NEFH: variants seen among roughly 807,000 people sequenced by gnomAD.
The protein encoded by NEFH is neurofilament heavy polypeptide.
NEFH carries 58 observed loss-of-function variants against 56.6 expected under a neutral mutation model. The observed-to-expected ratio is 1.03, with a 90% CI of 0.83 to 1.28. The LOEUF is 1.28. Among genes scored for constraint, NEFH ranks in the 50% most tolerant of loss-of-function variants. The probability of loss-of-function intolerance (pLI) is 0.00; values close to 1 mark genes in which losing one functional copy is unlikely to be tolerated. For synonymous variants in NEFH, 542 were observed against 545.8 expected, an observed-to-expected ratio of 0.99 and a Z score of 0.10; for missense variants, 1,221 against 1,307.6, an observed-to-expected ratio of 0.93 and a Z score of 1.02.
Position 29,489,988 on chromosome 22 carries a change from A to G in NEFH, c.2348A>G (p.Glu783Gly), listed in dbSNP as rs573785616. 2.0e-5 allele frequency: 32 copies of G among 1,613,922 alleles called. No individual in the cohort carries two copies. Among genetic ancestry groups the G allele is most frequent in the Non-Finnish European group, 2.1e-5 (25 of 1,179,992 alleles). ...EARSPADKFP[E>G]KAKSPVKEEV... ...AGGTCCCCTGCAGACAAATTCCCTGAAAAGGCCAAAAGCCCTGTCAAGGAG... is the reference window on the plus strand; with the variant it reads ...AGGTCCCCTGCAGACAAATTCCCTGGAAAGGCCAAAAGCCCTGTCAAGGAG... The change falls in exon 4 of 4, where the codon GAA becomes GGA. Residue 783 changes from glutamate (E) to glycine (G), a missense_variant. This residue lies in a region of NEFH where 301 missense variants were observed against 346.6 expected (regional missense o/e 0.87). Coordinates refer to ENST00000310624, the MANE Select transcript of NEFH (RefSeq NM_021076.4).
At position 29,490,007 on chromosome 22, in the gene NEFH, CAAG is replaced by C. The variant is rs59551486; in HGVS notation, c.2368_2370del (p.Lys790del). The stretch of plus-strand genomic sequence containing the variant: ...TCCCTGAAAAGGCCAAAAGCCCTGT[CAAG>C]GAGGAGGTCAAGTCCCCAGAGAAGG... On this transcript the variant is annotated inframe_deletion, in exon 4 of 4. Transcript: ENST00000310624. 1,471 of 1,613,304 alleles carry C rather than the reference CAAG, an allele frequency of 9.1e-4. 1 individual carries two copies. Among genetic ancestry groups the C allele is most frequent in the African/African-American group, 1.2e-3 (87 of 74,724 alleles).
At position 29,490,478 on chromosome 22, in the gene NEFH, G is replaced by A; in HGVS notation, c.2838G>A (p.Glu946=). ...AKAKEPSKPA[E]KKEAAPEKKD... is the part of the protein sequence containing the mutation. ...CCAAGGAACCCAGCAAACCAGCAGA[G>A]AAGAAGGAGGCAGCACCGGAGAAAA... Residue 946 remains glutamate, a synonymous_variant, in exon 4 of 4, where the codon GAG becomes GAA. Transcript: ENST00000310624. The A allele has an allele frequency of 6.3e-7, 1 of 1,590,228 alleles. No homozygotes were observed. The highest frequency in any genetic ancestry group is 1.4e-5 in the African/African-American group (1 of 73,180).
At chr22:29,486,972 A>T (rs2063048421) in intron 3 of NEFH, among the ~76,000 whole-genome samples, 1 of 152,132 alleles carries the variant, frequency 6.6e-6, no homozygotes, top group African/African-American at 2.4e-5. Flanking sequence ...TGTCCTTTAG[A>T]GTTTCTTAGC....
Position 29,489,818 on chromosome 22 carries a change from G to A in NEFH, c.2178G>A (p.Val726=), listed in dbSNP as rs1451721167. ...CCCCTGAGAAGGCCAAGTCCCCAGT[G>A]AAGGAAGAAGCAAAGACCCCCGAGA... is the stretch of plus-strand genomic sequence containing the variant. ...AKSPEKAKSP[V]KEEAKTPEKA... Residue 726 remains valine (V), a synonymous_variant, in exon 4 of 4, where the codon GTG becomes GTA. Transcript: ENST00000310624. 1.9e-6 allele frequency: 3 copies of A among 1,611,300 alleles called. No individual in the cohort carries two copies. In the African/African-American group the frequency reaches 4.1e-5, roughly 22 times the overall value.
chr22:29,484,215 T>A (rs1258321360), intron 2 of NEFH, among the ~76,000 whole-genome samples: 3 of 152,306 alleles, frequency 2.0e-5, no homozygotes, highest in Admixed American at 1.3e-4. Flanking sequence ...GTCTTCAACA[T>A]TCGAATCTTT....
chr22:29,483,298 G>T, intron 1 of NEFH, 77 bp from the exon 2 acceptor site: 46 of 1,247,772 alleles, frequency 3.7e-5, no homozygotes, highest in Non-Finnish European at 4.8e-5. Context: ...AAAAGAAAAA[G>T]AACAAAGAAA....
Position 29,480,684 on chromosome 22 carries a change from C to T in NEFH, c.422C>T (p.Ala141Val). 6.5e-7 allele frequency: 1 copy of T among 1,542,602 alleles called. No individual in the cohort carries two copies. Among genetic ancestry groups the T allele is most frequent in the Non-Finnish European group, 8.7e-7 (1 of 1,152,274 alleles). ...ALRQQQAGRS[A>V]MGELYEREVR... ...CGGCAGCAGCAGGCGGGCCGCTCCG[C>T]TATGGGCGAGCTGTACGAGCGCGAG... The change falls in exon 1 of 4, where the codon GCT (alanine) becomes GTT (valine). Residue 141 changes from alanine to valine, a missense_variant. Ala to Val is a moderately conservative substitution (Grantham distance 64). Around this residue, in one of 4 missense-constraint regions of NEFH, gnomAD observed 640 missense variants for 555.5 expected, o/e 1.15. Transcript: ENST00000310624.
chr22:29,485,801 C>G lies in NEFH; in HGVS notation c.1162C>G (p.Leu388Val), dbSNP rs753450146. 3.1e-6 allele frequency: 5 copies of G among 1,614,196 alleles called. No individual in the cohort carries two copies. The South Asian group carries it at 5.5e-5, about 18-fold the overall frequency. ...MAAQLREYQD[L>V]LNVKMALDIE... ...CGCCCAGCTGCGAGAATACCAGGACCTGCTCAATGTCAAGATGGCTCTGGA... is the reference window on the plus strand; with the variant it reads ...CGCCCAGCTGCGAGAATACCAGGACGTGCTCAATGTCAAGATGGCTCTGGA... The change falls in exon 3 of 4, where the codon CTG becomes GTG. Residue 388 changes from leucine (L) to valine (V), a missense_variant. Leu to Val is a conservative substitution (Grantham distance 32). Around this residue, in one of 4 missense-constraint regions of NEFH, gnomAD observed 243 missense variants for 299.1 expected, o/e 0.81. Transcript: ENST00000310624.
At chr22:29,488,065 A>C (rs979848436) in intron 3 of NEFH, among the ~76,000 whole-genome samples, 5 of 152,206 alleles carry the variant, frequency 3.3e-5, no homozygotes, top group African/African-American at 7.2e-5. Flanking sequence ...ACCCAAATTT[A>C]TAAAAGTAGA....
At position 29,490,817 on chromosome 22, in the gene NEFH, C is replaced by T; in HGVS notation, c.*114C>T. 6.5e-7 allele frequency: 1 copy of T among 1,541,568 alleles called. No homozygotes were observed. Among genetic ancestry groups the T allele is most frequent in the Non-Finnish European group, 8.7e-7 (1 of 1,143,980 alleles). ...TCTGTCTTTATGTAAGAAGAAACTG[C>T]TTAGATGACGGGGCCTCCTTCTTCA... is the stretch of plus-strand genomic sequence containing the variant. On this transcript the variant is annotated 3_prime_UTR_variant, in exon 4 of 4. Coordinates refer to ENST00000310624, the MANE Select transcript of NEFH (RefSeq NM_021076.4).
chr22:29,489,335 G>A lies in NEFH; in HGVS notation c.1695G>A (p.Lys565=). The A allele has an allele frequency of 6.2e-7, 1 of 1,613,556 alleles. No homozygotes were observed. The change falls in exon 4 of 4, where the codon AAG becomes AAA. Residue 565 remains lysine (K), a synonymous_variant. Coordinates refer to ENST00000310624, the MANE Select transcript of NEFH (RefSeq NM_021076.4). ...AGGCAAAGTCACCGCCTGAGGCCAA[G>A]TCCCCAGAGAAGGAGGAAGCAAAAT... The part of the protein sequence containing the change: ...KEEAKSPPEA[K]SPEKEEAKSP...
At position 29,480,923 on chromosome 22, in the gene NEFH, C is replaced by T. The variant is rs1450818116; in HGVS notation, c.661C>T (p.Gln221Ter). 1.3e-6 allele frequency: 2 copies of T among 1,518,710 alleles called. No homozygotes were observed. The highest frequency in any genetic ancestry group is 2.4e-5 in the South Asian group (2 of 82,648). 94.1% of individuals were successfully genotyped at this position (1,518,710 alleles called of 1,614,324 possible). A position where few individuals can be genotyped will look rare whatever the true frequency, so the allele number is the denominator to read the frequency against. The part of the protein sequence containing the change: ...AARVDLQKKA[Q>*]ALQEECGYLR... ...GCGCGTGGACCTGCAGAAGAAGGCG[C>T]AGGCGCTGCAGGAGGAGTGCGGCTA... Residue 221 changes from glutamine (Q) to a stop codon, truncating the protein, a stop_gained, in exon 1 of 4, where the codon CAG (glutamine) becomes TAG (stop). Transcript: ENST00000310624. LOFTEE classifies it high-confidence loss of function.
chr22:29,490,364 G>C lies in NEFH; in HGVS notation c.2724G>C (p.Lys908Asn), dbSNP rs2063073803. The change falls in exon 4 of 4, where the codon AAG becomes AAC. Residue 908 changes from lysine (K) to asparagine (N), a missense_variant. Lys to Asn is a moderately conservative substitution (Grantham distance 94). Around this residue, in one of 4 missense-constraint regions of NEFH, gnomAD observed 301 missense variants for 346.6 expected, o/e 0.87. Transcript: ENST00000310624. The stretch of plus-strand genomic sequence containing the variant: ...AGAAAAAAGTCCCCACCCCAGAGAA[G>C]GAGGCTCCTGCCAAGGTGGAGGTGA... ...EDKKKVPTPE[K>N]EAPAKVEVKE... 3 of 1,613,534 alleles carry C rather than the reference G, an allele frequency of 1.9e-6. No homozygotes were observed. The highest frequency in any genetic ancestry group is 2.5e-6 in the Non-Finnish European group (3 of 1,179,810).
rs1374103304 is a variant in NEFH at position 29,480,596 on chromosome 22, A to C, written c.334A>C (p.Ile112Leu). Residue 112 changes from isoleucine (I) to leucine (L), a missense_variant, in exon 1 of 4, where the codon ATC (isoleucine) becomes CTC (leucine). Transcript: ENST00000310624. ...QALNDRFAGY[I>L]DKVRQLEAHN... ...GCTGAACGACCGCTTCGCCGGGTAC[A>C]TCGACAAGGTGCGGCAGCTGGAGGC... 1 of 1,562,368 alleles carries C rather than the reference A, an allele frequency of 6.4e-7. No homozygotes were observed. The highest frequency in any genetic ancestry group is 1.9e-5 in the Admixed American group (1 of 53,890).
Position 29,488,930 on chromosome 22 carries a change from C to T in NEFH, c.1290C>T (p.Pro430=), listed in dbSNP as rs371561948. ...TTCCAGAAGGACTCCCCAAAATTCCCTCTGTGTCCACTCACATAAAGGTGA... is the reference window on the plus strand; with the variant it reads ...TTCCAGAAGGACTCCCCAAAATTCCTTCTGTGTCCACTCACATAAAGGTGA... ...FSLPEGLPKI[P]SVSTHIKVKS... Residue 430 remains proline (P), a synonymous_variant, in exon 4 of 4, where the codon CCC becomes CCT. Transcript: ENST00000310624. 1.2e-6 allele frequency: 2 copies of T among 1,614,174 alleles called. No individual in the cohort carries two copies. Among genetic ancestry groups the T allele is most frequent in the South Asian group, 1.1e-5 (1 of 91,082 alleles).
intron 1 of NEFH, 28 bp from the exon 2 acceptor site, chr22:29,483,346 AC>A (rs774732143): frequency 1.2e-6 from 2 of 1,611,438 alleles, no homozygotes; most frequent in African/African-American, 2.7e-5. Flanking sequence ...GGTGTGTCTA[AC>A]CCTGTGCCCT....
intron 3 of NEFH, among the ~76,000 whole-genome samples, chr22:29,488,020 C>T (rs777454562): frequency 6.6e-6 from 1 of 152,146 alleles, no homozygotes; most frequent in South Asian, 2.1e-4. Context: ...GAGAGACACT[C>T]GCGATTCAAA....
In NEFH at chr22:29,491,223, G is replaced by A. The variant is rs944633264; in HGVS notation, c.*520G>A. 8 of 211,188 alleles carry A rather than the reference G, an allele frequency of 3.8e-5. No homozygotes were observed. Among genetic ancestry groups the A allele is most frequent in the East Asian group, 2.3e-4 (2 of 8,562 alleles). The allele number at this position is 211,188 out of a possible 1,614,324, so 13.1% of individuals were successfully genotyped here. A position where few individuals can be genotyped will look rare whatever the true frequency, so the allele number is the denominator to read the frequency against. ...ACTGGCCACTGAATTATGCCAGGGC[G>A]CACTTTCCACTGGAGTTCACTTTCA... On this transcript the variant is annotated 3_prime_UTR_variant, in exon 4 of 4. Transcript: ENST00000310624.
rs775312459 is a variant in NEFH, at chr22:29,481,179, C to T, written c.883+34C>T. On this transcript the variant is annotated intron_variant, in intron 1 of 3. Coordinates refer to ENST00000310624, the MANE Select transcript of NEFH (RefSeq NM_021076.4). ...GCGCGCGGGTGGGGGGAGGGGCGCC[C>T]CTGCTGACCCCGCAGCGAACTTTTG... 1.1e-5 allele frequency: 17 copies of T among 1,524,562 alleles called. No homozygotes were observed. The African/African-American group carries it at 1.8e-4, about 16-fold the overall frequency. 94.4% of individuals were successfully genotyped at this position (1,524,562 alleles called of 1,614,324 possible).
Sources: allele counts gnomAD v4.1 joint callset (sites outside exome capture counted in the v4.1 genomes callset), GRCh38; gene constraint gnomAD v4.1.1; regional missense constraint gnomAD v4.1.1; transcripts MANE v1.5; gene names NCBI Gene and HGNC (gene_info 2026-07-23, HGNC 2026-07-21).